The following DENND5B variants were observed in gnomAD, a reference collection of about 807,000 sequenced individuals.
DENND5B encodes DENN domain containing 5B.
In DENND5B, 34 loss-of-function variants were observed where a neutral mutation model predicts 140.6. That is an observed-to-expected ratio of 0.24 (90% confidence interval 0.18 to 0.32). The LOEUF (loss-of-function observed/expected upper bound fraction) is 0.32, where lower values mean the gene tolerates loss of function less well. DENND5B is among the 10% of genes least tolerant of loss of function. DENND5B has a pLI of 1.00. For synonymous variants in DENND5B, 551 were observed against 562.1 expected (o/e 0.98, Z 0.28); for missense variants, 1,142 against 1,560.2 (o/e 0.73, Z 4.52).
intron 1 of DENND5B, among the ~76,000 whole-genome samples, chr12:31,558,794 T>C (rs183718533): frequency 1.2e-3 from 186 of 152,306 alleles, no homozygotes; most frequent in African/African-American, 4.2e-3. Context: ...ATTTAGCAAA[T>C]GAAAGTTTAT....
At chr12:31,476,028 A>T (rs909591140) in intron 3 of DENND5B, among the ~76,000 whole-genome samples, 32 of 152,090 alleles carry the variant, frequency 2.1e-4, no homozygotes, top group Non-Finnish European at 3.7e-4. Context: ...TGGGAGGCTG[A>T]GGCACGAGAA....
In DENND5B at chr12:31,522,198, TTAGA is replaced by T. The variant is rs1452622381; in HGVS notation, c.128-26283_128-26280del. Among the ~76,000 whole-genome samples, 3 of 152,150 alleles carry T rather than the reference TTAGA, an allele frequency of 2.0e-5. No individual in the cohort carries two copies. In the East Asian group the frequency reaches 5.8e-4, roughly 29 times the overall value. On this transcript the variant is annotated intron_variant, in intron 1 of 20. Coordinates refer to ENST00000389082, the MANE Select transcript of DENND5B (RefSeq NM_144973.4). ...TTTCCCCATCTCCCACTAGGGAGAG[TTAGA>T]TAAACACCTCTAAACGCTGATTTAC...
intron 1 of DENND5B, among the ~76,000 whole-genome samples, chr12:31,505,119 ACTTT>A (rs1250243352): frequency 1.3e-5 from 2 of 152,028 alleles, no homozygotes; most frequent in African/African-American, 4.8e-5. Context: ...GTTCGTTTTG[ACTTT>A]CTGACTATAA....
chr12:31,519,649 ACAGTC>A (rs1947802751), intron 1 of DENND5B, among the ~76,000 whole-genome samples: 1 of 152,210 alleles, frequency 6.6e-6, no homozygotes, highest in African/African-American at 2.4e-5. Context: ...TCAAAAAAGG[ACAGTC>A]CATTTTTGTC....
At chr12:31,583,806 A>T (rs974576553) in intron 1 of DENND5B, among the ~76,000 whole-genome samples, 2 of 152,364 alleles carry the variant, frequency 1.3e-5, no homozygotes, top group South Asian at 4.1e-4. Context: ...CTTATAGGAC[A>T]GTGGCCACCA....
intron 7 of DENND5B, among the ~76,000 whole-genome samples, chr12:31,436,868 A>G (rs1593162119): frequency 6.6e-6 from 1 of 152,024 alleles, no homozygotes; most frequent in Non-Finnish European, 1.5e-5. Flanking sequence ...AGTGTTTCCA[A>G]TGAAATAAGT....
At chr12:31,405,560 A>AT (rs1942082317) in intron 14 of DENND5B, among the ~76,000 whole-genome samples, 1 of 148,858 alleles carries the variant, frequency 6.7e-6, no homozygotes, top group Admixed American at 6.7e-5. Context: ...GTATGTATGT[A>AT]TTTTTGAGGC....
chr12:31,447,898 A>G (rs957770099), intron 5 of DENND5B, 129 bp from the exon 6 acceptor site: 5 of 687,814 alleles, frequency 7.3e-6, no homozygotes, highest in Non-Finnish European at 1.2e-5. Flanking sequence ...TTGAAATTCA[A>G]AAATCCTTAA....
chr12:31,455,793 G>A (rs1188951181), intron 4 of DENND5B, among the ~76,000 whole-genome samples: 1 of 151,976 alleles, frequency 6.6e-6, no homozygotes, highest in Admixed American at 6.6e-5. Context: ...AGGCCAAGGT[G>A]GGCAAATCAC....
intron 1 of DENND5B, among the ~76,000 whole-genome samples, chr12:31,498,847 C>T (rs1048828107): frequency 1.3e-4 from 20 of 151,660 alleles, no homozygotes; most frequent in Admixed American, 2.6e-4. Flanking sequence ...GTGGCATGCA[C>T]GTGTAATCCC....
At chr12:31,453,301 G>A (rs1593203794) in intron 4 of DENND5B, among the ~76,000 whole-genome samples, 1 of 113,940 alleles carries the variant, frequency 8.8e-6, no homozygotes, top group Non-Finnish European at 2.2e-5. Flanking sequence ...AGAGGTGACA[G>A]AAATCAGAAG....
rs758872420 is a variant in DENND5B, at chr12:31,460,398, A to T, written c.905-17T>A. 2 of 1,603,532 alleles carry T rather than the reference A, an allele frequency of 1.2e-6. No homozygotes were observed. The highest frequency in any genetic ancestry group is 1.3e-5 in the African/African-American group (1 of 74,632). On this transcript the variant is annotated splice_polypyrimidine_tract_variant and intron_variant, in intron 3 of 20. Coordinates refer to ENST00000389082, the MANE Select transcript of DENND5B (RefSeq NM_144973.4). ...GTTGATAATCTGCACAGAACAAGGA[A>T]AAAGGAAAGGGAAGAGTCCAAGTAA...
At chr12:31,479,533 T>C in intron 3 of DENND5B, 56 bp downstream of exon 3, 1 of 1,400,862 alleles carries the variant, frequency 7.1e-7, no homozygotes. Context: ...GGAAACACAG[T>C]AGTTGGGAGC....
chr12:31,506,326 T>C (rs1270762358), intron 1 of DENND5B: 2 of 152,144 alleles, frequency 1.3e-5, no homozygotes, highest in Non-Finnish European at 2.9e-5. Flanking sequence ...AGTGAAGCAG[T>C]GGGAGTGGAG....
intron 1 of DENND5B, among the ~76,000 whole-genome samples, chr12:31,580,040 A>G (rs1353878886): frequency 6.6e-6 from 1 of 151,840 alleles, no homozygotes; most frequent in African/African-American, 2.4e-5. Context: ...ACTGTGCCCA[A>G]AGCTGATGTA....
At chr12:31,564,326 A>G (rs1244917905) in intron 1 of DENND5B, among the ~76,000 whole-genome samples, 9 of 152,152 alleles carry the variant, frequency 5.9e-5, no homozygotes, top group Non-Finnish European at 1.2e-4. Flanking sequence ...AAACAAGAGC[A>G]ACCCACTGCA....
At chr12:31,582,056 A>AT (rs1428760025) in intron 1 of DENND5B, among the ~76,000 whole-genome samples, 3 of 152,054 alleles carry the variant, frequency 2.0e-5, no homozygotes, top group South Asian at 4.2e-4. Flanking sequence ...TTTGGTTTTT[A>AT]TTTTTTTTGG....
At chr12:31,510,786 C>T (rs1272752705) in intron 1 of DENND5B, among the ~76,000 whole-genome samples, 1 of 152,156 alleles carries the variant, frequency 6.6e-6, no homozygotes, top group Non-Finnish European at 1.5e-5. Context: ...AATTAGTCAC[C>T]TTAATTAAAT....
chr12:31,551,451 C>A (rs1246187720), intron 1 of DENND5B, among the ~76,000 whole-genome samples: 1 of 152,112 alleles, frequency 6.6e-6, no homozygotes, highest in Admixed American at 6.6e-5. Context: ...TACCATGCTG[C>A]TTTGGTTACT....
Sources: allele counts gnomAD v4.1 joint callset (sites outside exome capture counted in the v4.1 genomes callset), GRCh38; gene constraint gnomAD v4.1.1; transcripts MANE v1.5; gene names NCBI Gene and HGNC (gene_info 2026-07-23, HGNC 2026-07-21).